Variants in DESI2 observed in about 807,000 individuals in gnomAD.
DESI2 encodes deubiquitinase DESI2.
DESI2 carries 10 observed loss-of-function variants against 24.1 expected under a neutral mutation model. The observed-to-expected ratio is 0.41, with a 90% CI of 0.26 to 0.70. DESI2 has a LOEUF of 0.70. Among genes scored for constraint, DESI2 ranks in the 30% least tolerant of loss-of-function variants. DESI2 has a pLI of 0.29. For missense variants in DESI2, 122 were observed against 234.9 expected, an observed-to-expected ratio of 0.52 and a Z score of 3.14; for synonymous variants, 71 against 87.7, an observed-to-expected ratio of 0.81 and a Z score of 1.06.
intron 1 of DESI2, among the ~76,000 whole-genome samples, chr1:244,662,031 T>TA (rs1438970453): frequency 6.6e-6 from 1 of 152,226 alleles, no homozygotes; most frequent in African/African-American, 2.4e-5. Context: ...CACAACAGTG[T>TA]AAAAGTGTTC....
chr1:244,705,898 C>A lies in DESI2; in HGVS notation c.*109C>A, dbSNP rs1171835858. The A allele has an allele frequency of 2.6e-6, 2 of 770,942 alleles. No homozygotes were observed. The highest frequency in any genetic ancestry group is 2.0e-6 in the Non-Finnish European group (1 of 490,020). 47.8% of individuals were successfully genotyped at this position (770,942 alleles called of 1,614,324 possible). On this transcript the variant is annotated 3_prime_UTR_variant, in exon 5 of 5. Coordinates refer to ENST00000302550, the MANE Select transcript of DESI2 (RefSeq NM_016076.5). Reference sequence around the variant, plus strand: ...TATTTTGTATGCAAAGATGGCTCTCCCCCAAATCCCAGTTTTTCAGCTCAG... The same window carrying A: ...TATTTTGTATGCAAAGATGGCTCTCACCCAAATCCCAGTTTTTCAGCTCAG...
At chr1:244,699,578 C>CAAAAAAAAAAAAAAAAAAA (rs559295405) in intron 4 of DESI2, among the ~76,000 whole-genome samples, 7 of 66,220 alleles carry the variant, frequency 1.1e-4, no homozygotes, top group African/African-American at 2.6e-4. Context: ...GAGACTGTCT[C>CAAAAAAAAAAAAAAAAAAA]AAAAAAAAAA....
intron 1 of DESI2, among the ~76,000 whole-genome samples, chr1:244,685,041 A>G (rs2653162): frequency 0.98 from 149,531 of 152,280 alleles, 73,480 homozygotes; most frequent in East Asian, 1. Context: ...AATTCCGATC[A>G]AGAGGGATAC....
intron 1 of DESI2, among the ~76,000 whole-genome samples, chr1:244,683,709 C>T (rs1276012801): frequency 6.6e-6 from 1 of 151,678 alleles, no homozygotes; most frequent in Admixed American, 6.6e-5. Context: ...AGCATCACAC[C>T]TGCCCCAACA....
intron 3 of DESI2, 115 bp from the exon 4 acceptor site, chr1:244,691,764 A>T (rs1677037597): frequency 3.7e-6 from 3 of 802,464 alleles, no homozygotes; most frequent in Non-Finnish European, 5.6e-6. Flanking sequence ...CTGATTTGTT[A>T]TGTCGATCAT....
In DESI2 at chr1:244,706,207, C is replaced by T. The variant is rs981307292; in HGVS notation, c.*418C>T. 2 of 182,566 alleles carry T rather than the reference C, an allele frequency of 1.1e-5. No homozygotes were observed. The highest frequency in any genetic ancestry group is 1.1e-4 in the Admixed American group (2 of 18,160). The allele number at this position is 182,566 out of a possible 1,614,324, so 11.3% of individuals were successfully genotyped here. Reference sequence around the variant, plus strand: ...CAGATCTATGGCATAAATAGGCACACAAAAAGGTACTTAAACAGTTATAGT... The same window carrying T: ...CAGATCTATGGCATAAATAGGCACATAAAAAGGTACTTAAACAGTTATAGT... On this transcript the variant is annotated 3_prime_UTR_variant, in exon 5 of 5. Transcript: ENST00000302550.
intron 1 of DESI2, among the ~76,000 whole-genome samples, chr1:244,667,427 G>A (rs565900568): frequency 2.4e-4 from 37 of 152,248 alleles, no homozygotes; most frequent in East Asian, 1.3e-3. Flanking sequence ...CTTTGACTCC[G>A]GGTCTCACAT....
intron 1 of DESI2, among the ~76,000 whole-genome samples, chr1:244,671,682 A>G (rs953515421): frequency 1.3e-5 from 2 of 152,216 alleles, no homozygotes; most frequent in Non-Finnish European, 2.9e-5. Context: ...TCCAGCAGAA[A>G]TCTTGCTAAC....
chr1:244,683,266 T>C (rs1436322748), intron 1 of DESI2, among the ~76,000 whole-genome samples: 1 of 152,148 alleles, frequency 6.6e-6, no homozygotes, highest in East Asian at 1.9e-4. Context: ...CGTGTACACA[T>C]GGGCCTAGGA....
intron 4 of DESI2, among the ~76,000 whole-genome samples, chr1:244,700,745 T>C (rs559896447): frequency 1.2e-4 from 18 of 152,350 alleles, no homozygotes; most frequent in Non-Finnish European, 1.8e-4. Flanking sequence ...ATCTTTCCCA[T>C]GTCAGAAATC....
intron 4 of DESI2, among the ~76,000 whole-genome samples, chr1:244,696,781 C>G (rs1677231503): frequency 1.3e-5 from 2 of 152,322 alleles, no homozygotes; most frequent in South Asian, 4.2e-4. Context: ...TCTCATCATT[C>G]CCAGAACTGA....
intron 4 of DESI2, among the ~76,000 whole-genome samples, chr1:244,704,752 G>A (rs996660757): frequency 3.9e-5 from 6 of 152,090 alleles, no homozygotes; most frequent in Non-Finnish European, 8.8e-5. Context: ...TCCGCCTCCC[G>A]GGTTCAGGTG....
chr1:244,689,454 C>G lies in DESI2; in HGVS notation c.209+112C>G, dbSNP rs535157159. ...CAAACCCAAGAAGTTAAAAATGTCT[C>G]TTTGTTTTAATTGCTGACATTTTAT... On this transcript the variant is annotated intron_variant, in intron 3 of 4. Coordinates refer to ENST00000302550, the MANE Select transcript of DESI2 (RefSeq NM_016076.5). The surrounding 1 kb of genome is among the most constrained non-coding windows in gnomAD (Gnocchi z 4.0). 5.3e-5 allele frequency: 31 copies of G among 587,632 alleles called. No homozygotes were observed. In the East Asian group the frequency reaches 8.7e-4, roughly 17 times the overall value. The allele number at this position is 587,632 out of a possible 1,614,324, so 36.4% of individuals were successfully genotyped here.
rs11392135 is a variant in DESI2, at chr1:244,669,962, C to CTTT, written c.42+16617_42+16619dup. On this transcript the variant is annotated intron_variant, in intron 1 of 4. Coordinates refer to ENST00000302550, the MANE Select transcript of DESI2 (RefSeq NM_016076.5). ...ATACTTCTCAAGAATATAAATAATT[C>CTTT]TTTTTTTTTTTTGATAGGGAGTTTC... Among the ~76,000 whole-genome samples, 1,350 of 148,142 alleles carry CTTT rather than the reference C, an allele frequency of 9.1e-3. 12 individuals are homozygous for CTTT. Among genetic ancestry groups the CTTT allele is most frequent in the South Asian group, 0.03 (141 of 4,686 alleles).
In DESI2 at chr1:244,706,608, T is replaced by C. The variant is rs1677718589; in HGVS notation, c.*819T>C. Reference sequence around the variant, plus strand: ...CGCTTCATTTTTATTTTAATACACATGTATTTCCTCCTTGCACAGGATTTT... The same window carrying C: ...CGCTTCATTTTTATTTTAATACACACGTATTTCCTCCTTGCACAGGATTTT... On this transcript the variant is annotated 3_prime_UTR_variant, in exon 5 of 5. Coordinates refer to ENST00000302550, the MANE Select transcript of DESI2 (RefSeq NM_016076.5). The C allele has an allele frequency of 6.6e-6, 1 of 152,600 alleles. No individual in the cohort carries two copies. Among genetic ancestry groups the C allele is most frequent in the African/African-American group, 2.4e-5 (1 of 41,446 alleles). 9.5% of individuals were successfully genotyped at this position (152,600 alleles called of 1,614,324 possible). A position where few individuals can be genotyped will look rare whatever the true frequency, so the allele number is the denominator to read the frequency against.
At chr1:244,694,743 G>C in intron 4 of DESI2, 1 of 627,422 alleles carries the variant, frequency 1.6e-6, no homozygotes, top group Non-Finnish European at 2.9e-6. Flanking sequence ...GCTAAGACCA[G>C]AGAGATTCAT....
rs184180255 is a variant in DESI2, at chr1:244,674,549, G to A, written c.43-12048G>A. On this transcript the variant is annotated intron_variant, in intron 1 of 4. Transcript: ENST00000302550. ...CCCAAACTTCCAGTCATAGAACCAC[G>A]AATCTACTTTCCGTCTGTGTAGCCT... 3.3e-5 allele frequency among the ~76,000 whole-genome samples: 5 copies of A among 152,152 alleles called. No individual in the cohort carries two copies. In the East Asian group the frequency reaches 9.6e-4, roughly 29 times the overall value.
intron 1 of DESI2, among the ~76,000 whole-genome samples, chr1:244,680,409 A>G (rs1676566960): frequency 6.6e-6 from 1 of 152,086 alleles, no homozygotes; most frequent in Non-Finnish European, 1.5e-5. Context: ...CAGCCTGGGC[A>G]ACAGAGCCAA....
chr1:244,663,984 C>T (rs1481515292), intron 1 of DESI2, among the ~76,000 whole-genome samples: 11 of 138,502 alleles, frequency 7.9e-5, no homozygotes, highest in South Asian at 7.0e-4. Context: ...CGCCACTGCA[C>T]GCCAGCCTGG....
Sources: allele counts gnomAD v4.1 joint callset (sites outside exome capture counted in the v4.1 genomes callset), GRCh38; gene constraint gnomAD v4.1.1; non-coding constraint Gnocchi (gnomAD v3.1); transcripts MANE v1.5; gene names NCBI Gene and HGNC (gene_info 2026-07-23, HGNC 2026-07-21).